Variants in KIAA0319L observed in about 807,000 individuals in gnomAD.
The protein encoded by KIAA0319L is dyslexia-associated protein KIAA0319-like protein.
Under a neutral mutation model 120.1 loss-of-function variants are expected in KIAA0319L, and 55 were observed. The observed-to-expected ratio is 0.46, with a 90% CI of 0.37 to 0.57. The LOEUF (loss-of-function observed/expected upper bound fraction) is 0.57. KIAA0319L is among the 20% of genes least tolerant of loss of function. The pLI, the probability that KIAA0319L is intolerant of heterozygous loss-of-function variation, is 0.00. For synonymous variants in KIAA0319L, 398 were observed against 471.9 expected, an observed-to-expected ratio of 0.84 and a Z score of 2.03; for missense variants, 1,049 against 1,255.3, an observed-to-expected ratio of 0.84 and a Z score of 2.48.
At chr1:35,478,924 G>C (rs1200983365) in intron 4 of KIAA0319L, 42 bp downstream of exon 4, 3 of 1,599,992 alleles carry the variant, frequency 1.9e-6, no homozygotes, top group Non-Finnish European at 2.6e-6. Context: ...TTGATCAAAT[G>C]TTCTACTTTT....
chr1:35,526,431 GTATATA>G (rs71571802), intron 2 of KIAA0319L, among the ~76,000 whole-genome samples: 1 of 125,584 alleles, frequency 8.0e-6, no homozygotes, highest in African/African-American at 2.8e-5. Flanking sequence ...ATATATATAT[GTATATA>G]TATATATATA....
At chr1:35,478,927 C>G (rs1247358408) in intron 4 of KIAA0319L, 39 bp downstream of exon 4, 2 of 1,601,760 alleles carry the variant, frequency 1.2e-6, no homozygotes, top group African/African-American at 2.7e-5. Flanking sequence ...ATCAAATGTT[C>G]TACTTTTTCC....
intron 3 of KIAA0319L, among the ~76,000 whole-genome samples, chr1:35,503,118 A>G (rs1570857008): frequency 6.6e-6 from 1 of 152,146 alleles, no homozygotes; most frequent in East Asian, 1.9e-4. Flanking sequence ...TTTCCTGTCT[A>G]TTACCCACTC....
intron 2 of KIAA0319L, among the ~76,000 whole-genome samples, chr1:35,517,834 C>A (rs189364953): frequency 6.6e-6 from 1 of 152,238 alleles, no homozygotes; most frequent in East Asian, 1.9e-4. Context: ...TGACAAAAGT[C>A]TAATATCCAG....
intron 12 of KIAA0319L, 53 bp from the exon 13 acceptor site, chr1:35,451,829 T>C (rs1642086826): frequency 6.3e-7 from 1 of 1,575,526 alleles, no homozygotes; most frequent in Non-Finnish European, 8.7e-7. Flanking sequence ...TGCTGTCCTG[T>C]CCCTAACTTA....
At chr1:35,450,231 C>A in intron 14 of KIAA0319L, 127 bp downstream of exon 14, 1 of 1,129,394 alleles carries the variant, frequency 8.9e-7, no homozygotes, top group Non-Finnish European at 1.3e-6. Context: ...AGTCACTTCA[C>A]CTCCCTGGAT....
chr1:35,490,581 G>C (rs1189650895), intron 3 of KIAA0319L, among the ~76,000 whole-genome samples: 4 of 152,114 alleles, frequency 2.6e-5, no homozygotes, highest in Admixed American at 2.6e-4. Flanking sequence ...AGAACTGGTA[G>C]ATAGGGATAT....
chr1:35,474,241 C>T (rs559243817), intron 5 of KIAA0319L, among the ~76,000 whole-genome samples: 30 of 152,218 alleles, frequency 2.0e-4, no homozygotes, highest in African/African-American at 6.3e-4. Context: ...TTTGATGTCA[C>T]GCTTGGGTTC....
At chr1:35,438,926 A>G (rs920573655) in intron 20 of KIAA0319L, 1 of 152,400 alleles carries the variant, frequency 6.6e-6, no homozygotes, top group Non-Finnish European at 1.5e-5. Flanking sequence ...TGGAAGGATC[A>G]CCTGAGCCCA....
chr1:35,457,052 C>G (rs1331978208), intron 9 of KIAA0319L, among the ~76,000 whole-genome samples: 2 of 152,112 alleles, frequency 1.3e-5, no homozygotes, highest in South Asian at 2.1e-4. Flanking sequence ...TGTCCTGCTG[C>G]TGCCTGCACG....
At chr1:35,544,320 G>A (rs1035089649) in intron 2 of KIAA0319L, among the ~76,000 whole-genome samples, 1 of 143,350 alleles carries the variant, frequency 7.0e-6, no homozygotes, top group Non-Finnish European at 1.5e-5. Flanking sequence ...AGTGAGCCAA[G>A]ATTGTGCCAC....
intron 2 of KIAA0319L, among the ~76,000 whole-genome samples, chr1:35,546,967 A>T (rs1030659792): frequency 1.1e-4 from 16 of 148,492 alleles, no homozygotes; most frequent in Non-Finnish European, 2.1e-4. Flanking sequence ...CCTATATATA[A>T]ATATATATAT....
rs1238381684 is a variant in KIAA0319L, at chr1:35,442,407, C to T, written c.2780-71G>A. ...GGAGGGAGGTCTGGGCTGCTCCCAG[C>T]TTGGGCAGGTGTGGCTTCACTCTGG... is the stretch of plus-strand genomic sequence containing the variant. On this transcript the variant is annotated intron_variant, in intron 18 of 20. Transcript: ENST00000325722. The T allele has an allele frequency of 6.7e-6, 8 of 1,202,772 alleles. No homozygotes were observed. The East Asian group carries it at 1.9e-4, about 28-fold the overall frequency. 74.5% of individuals were successfully genotyped at this position (1,202,772 alleles called of 1,614,324 possible). A position where few individuals can be genotyped will look rare whatever the true frequency, so the allele number is the denominator to read the frequency against.
chr1:35,479,351 AC>A, intron 3 of KIAA0319L, 139 bp from the exon 4 acceptor site: 1 of 672,702 alleles, frequency 1.5e-6, no homozygotes, highest in Non-Finnish European at 2.4e-6. Context: ...TAATCTCACC[AC>A]CCAAATAAAA....
chr1:35,546,015 G>A (rs1020587497), intron 2 of KIAA0319L, among the ~76,000 whole-genome samples: 4 of 152,298 alleles, frequency 2.6e-5, no homozygotes, highest in East Asian at 1.9e-4. Context: ...TCAGTTTTGC[G>A]ATACTAAGTT....
chr1:35,460,440 T>A lies in KIAA0319L; in HGVS notation c.1295-3A>T, dbSNP rs11806524. ...GATTTTATCATCATCAGTGCTTTCTTGACCATAAAGAAACATCAGTTACAA... is the reference window on the plus strand; with the variant it reads ...GATTTTATCATCATCAGTGCTTTCTAGACCATAAAGAAACATCAGTTACAA... On this transcript the variant is annotated splice_polypyrimidine_tract_variant and splice_region_variant and intron_variant, in intron 8 of 20. Coordinates refer to ENST00000325722, the MANE Select transcript of KIAA0319L (RefSeq NM_024874.5). The A allele has an allele frequency of 3.7e-3, 5,941 of 1,611,670 alleles. 185 individuals are homozygous for A. In the African/African-American group the frequency reaches 0.071, roughly 19 times the overall value.
rs768629488 is a variant in KIAA0319L, at chr1:35,554,513, C to CAGT, written c.-25_-23dup. On this transcript the variant is annotated 5_prime_UTR_variant, in exon 2 of 21. Coordinates refer to ENST00000325722, the MANE Select transcript of KIAA0319L (RefSeq NM_024874.5). ...CCATGGCCCTCCAGACAGGCAGAAC[C>CAGT]AGTACACTAGAAGGACAGAAAGAGA... is the stretch of plus-strand genomic sequence containing the variant. 6.3e-7 allele frequency: 1 copy of CAGT among 1,575,264 alleles called. No homozygotes were observed. The highest frequency in any genetic ancestry group is 1.4e-5 in the African/African-American group (1 of 72,788).
intron 2 of KIAA0319L, among the ~76,000 whole-genome samples, chr1:35,532,847 G>A (rs1487369188): frequency 2.0e-5 from 3 of 152,192 alleles, no homozygotes; most frequent in Non-Finnish European, 4.4e-5. Context: ...CCCAGGGTGA[G>A]AACAGTGGAG....
rs991585692 is a variant in KIAA0319L at position 35,445,473 on chromosome 1, A to G, written c.2514-1170T>C. Among the ~76,000 whole-genome samples the G allele has an allele frequency of 3.3e-5, 5 of 152,286 alleles. No homozygotes were observed. In the East Asian group the frequency reaches 5.8e-4, roughly 18 times the overall value. ...CACATCTCTCCTGAGTGACCAGTCT[A>G]TATCTGCAAATACTTGTGTGAATAT... On this transcript the variant is annotated intron_variant, in intron 16 of 20. Coordinates refer to ENST00000325722, the MANE Select transcript of KIAA0319L (RefSeq NM_024874.5).
Sources: allele counts gnomAD v4.1 joint callset (sites outside exome capture counted in the v4.1 genomes callset), GRCh38; gene constraint gnomAD v4.1.1; transcripts MANE v1.5; gene names NCBI Gene and HGNC (gene_info 2026-07-23, HGNC 2026-07-21).